Variants in NAALADL2 observed in about 807,000 individuals in gnomAD.
NAALADL2 encodes the protein N-acetylated alpha-linked acidic dipeptidase like 2, also known as inactive N-acetylated-alpha-linked acidic dipeptidase-like protein 2.
In NAALADL2, 76 loss-of-function variants were observed where a neutral mutation model predicts 87.2. That is an observed-to-expected ratio of 0.87 (90% CI 0.72 to 1.05). The LOEUF (loss-of-function observed/expected upper bound fraction) is 1.05. Ranked by LOEUF, NAALADL2 falls within the 50% of genes least tolerant of loss-of-function variation. NAALADL2 has a pLI of 0.00. For missense variants in NAALADL2, 1,089 were observed against 945.8 expected, an observed-to-expected ratio of 1.15 and a Z score of -1.99; for synonymous variants, 354 against 331.0, an observed-to-expected ratio of 1.07 and a Z score of -0.75.
intron 4 of NAALADL2, among the ~76,000 whole-genome samples, chr3:175,273,978 G>T (rs543667988): frequency 1.6e-4 from 25 of 151,642 alleles, no homozygotes; most frequent in African/African-American, 5.8e-4. Flanking sequence ...ACTGTTTTTT[G>T]ATTAATGCAG....
intron 2 of NAALADL2, among the ~76,000 whole-genome samples, chr3:175,122,211 AG>A (rs1329539225): frequency 5.9e-5 from 9 of 151,838 alleles, no homozygotes; most frequent in African/African-American, 2.2e-4. Flanking sequence ...AAGGAAATAG[AG>A]GGCCATTCTG....
intron 3 of NAALADL2, among the ~76,000 whole-genome samples, chr3:174,826,072 A>AT (rs534280729): frequency 7.2e-5 from 11 of 151,862 alleles, no homozygotes; most frequent in African/African-American, 2.7e-4. Flanking sequence ...AACAACAACA[A>AT]CAATCAAACA....
At chr3:175,586,591 A>G (rs1677769856) in intron 10 of NAALADL2, among the ~76,000 whole-genome samples, 1 of 152,242 alleles carries the variant, frequency 6.6e-6, no homozygotes, top group Admixed American at 6.5e-5. Flanking sequence ...TTAATTCTAA[A>G]TAGTGCAATG....
At chr3:174,605,315 G>T (rs572768212) in intron 2 of NAALADL2, among the ~76,000 whole-genome samples, 3 of 152,148 alleles carry the variant, frequency 2.0e-5, no homozygotes, top group Non-Finnish European at 4.4e-5. Context: ...CAGTGGGCGC[G>T]CAGGACAGTG....
intron 9 of NAALADL2, among the ~76,000 whole-genome samples, chr3:175,575,447 G>A (rs887795136): frequency 6.6e-6 from 1 of 151,708 alleles, no homozygotes; most frequent in Non-Finnish European, 1.5e-5. Context: ...ACCACACCCG[G>A]CTAATTTTTC....
chr3:175,097,130 A>G lies in NAALADL2; in HGVS notation c.384A>G (p.Ile128Met), dbSNP rs9836841. 0.44 allele frequency: 707,107 copies of G among 1,612,918 alleles called. 157,316 individuals carry two copies. The highest frequency in any genetic ancestry group is 0.46 in the Non-Finnish European group (539,759 of 1,179,142). ...GCAACTTTTGCCACGTCTTAAAAAT[A>G]CTTTGCACAGCCACCATTTTATTTA... Reference protein sequence around the residue: ...NRCNFCHVLKILCTATILFIF... With the variant: ...NRCNFCHVLKMLCTATILFIF... Residue 128 changes from isoleucine to methionine, a missense_variant, in exon 2 of 14, where the codon ATA becomes ATG. Coordinates refer to ENST00000454872, the MANE Select transcript of NAALADL2 (RefSeq NM_207015.3).
chr3:174,496,512 A>T (rs967741161), intron 1 of NAALADL2, among the ~76,000 whole-genome samples: 16 of 18,038 alleles, frequency 8.9e-4, no homozygotes, highest in African/African-American at 1.7e-3. Context: ...TTTATATATT[A>T]TATATATATA....
intron 2 of NAALADL2, among the ~76,000 whole-genome samples, chr3:174,684,454 C>A (rs924292198): frequency 6.6e-6 from 1 of 151,986 alleles, no homozygotes; most frequent in Admixed American, 6.6e-5. Flanking sequence ...AATTGAATTT[C>A]ATTTTTTCAA....
At chr3:175,426,071 C>T (rs897925211) in intron 5 of NAALADL2, among the ~76,000 whole-genome samples, 1 of 152,090 alleles carries the variant, frequency 6.6e-6, no homozygotes, top group African/African-American at 2.4e-5. Flanking sequence ...TGTGGATCAG[C>T]AATGACTTAT....
chr3:174,953,497 G>T (rs1740719694), intron 1 of NAALADL2, among the ~76,000 whole-genome samples: 1 of 151,676 alleles, frequency 6.6e-6, no homozygotes, highest in Admixed American at 6.6e-5. Context: ...TTTAAGATGT[G>T]TTTTCATGGT....
chr3:175,491,715 A>T (rs777025936), intron 9 of NAALADL2, among the ~76,000 whole-genome samples: 11 of 152,144 alleles, frequency 7.2e-5, no homozygotes, highest in Non-Finnish European at 1.5e-4. Context: ...AGGCCATGCC[A>T]CCCTGCCACG....
chr3:175,440,240 C>G (rs983385860), intron 5 of NAALADL2, among the ~76,000 whole-genome samples: 8 of 152,106 alleles, frequency 5.3e-5, no homozygotes, highest in African/African-American at 1.9e-4. Context: ...TTCCATTGAT[C>G]TATATGTCTG....
Position 175,755,397 on chromosome 3 carries a change from A to G in NAALADL2, c.2168A>G (p.Gln723Arg), listed in dbSNP as rs751597437. 6.3e-7 allele frequency: 1 copy of G among 1,599,998 alleles called. No individual in the cohort carries two copies. The highest frequency in any genetic ancestry group is 1.1e-5 in the South Asian group (1 of 89,048). The change falls in exon 13 of 14, where the codon CAG becomes CGG. Residue 723 changes from glutamine to arginine, a missense_variant. Physicochemically the swap from Gln to Arg is conservative, Grantham distance 43. Transcript: ENST00000454872. ...QDMEKSFLVK[Q>R]APPGFYRNIL... is the part of the protein sequence containing the mutation. ...ATGGAGAAAAGCTTTCTGGTAAAGC[A>G]GGCACCACCAGGTTTTTATAGGTAG...
At chr3:174,712,866 G>A (rs550554497) in intron 2 of NAALADL2, among the ~76,000 whole-genome samples, 44 of 151,668 alleles carry the variant, frequency 2.9e-4, no homozygotes, top group African/African-American at 9.7e-4. Context: ...GGTTAGTTAC[G>A]TATGTATACA....
intron 13 of NAALADL2, among the ~76,000 whole-genome samples, chr3:175,790,998 G>T (rs1484413389): frequency 6.6e-6 from 1 of 152,174 alleles, no homozygotes; most frequent in Non-Finnish European, 1.5e-5. Context: ...GTTTCTGTTA[G>T]GGAGCTGGGA....
At chr3:174,999,484 G>T (rs1747948551) in intron 1 of NAALADL2, among the ~76,000 whole-genome samples, 1 of 152,084 alleles carries the variant, frequency 6.6e-6, no homozygotes, top group African/African-American at 2.4e-5. Context: ...ACTGAAGAAA[G>T]CATATTTCTT....
intron 5 of NAALADL2, among the ~76,000 whole-genome samples, chr3:175,389,531 A>T (rs1265624008): frequency 6.6e-6 from 1 of 152,216 alleles, no homozygotes; most frequent in Non-Finnish European, 1.5e-5. Context: ...GTGTTTTATG[A>T]TGGAGAGGTC....
chr3:175,157,110 T>TAA (rs142110372), intron 2 of NAALADL2, among the ~76,000 whole-genome samples: 4 of 151,694 alleles, frequency 2.6e-5, no homozygotes, highest in African/African-American at 9.7e-5. Flanking sequence ...TGTACTTAGT[T>TAA]AAAAAAAAGT....
intron 11 of NAALADL2, among the ~76,000 whole-genome samples, chr3:175,635,583 A>G (rs1434592541): frequency 6.6e-6 from 1 of 152,162 alleles, no homozygotes; most frequent in African/African-American, 2.4e-5. Flanking sequence ...TTCATGTTTA[A>G]TTCAGGAAGT....
Sources: allele counts gnomAD v4.1 joint callset (sites outside exome capture counted in the v4.1 genomes callset), GRCh38; gene constraint gnomAD v4.1.1; transcripts MANE v1.5; gene names NCBI Gene and HGNC (gene_info 2026-07-23, HGNC 2026-07-21).